Variants in GON4L observed in about 807,000 individuals in gnomAD.
GON4L encodes the protein GON-4-like protein.
In GON4L, 87 loss-of-function variants were observed where a neutral mutation model predicts 211.8. The observed-to-expected ratio is 0.41, with a 90% CI of 0.35 to 0.49. The LOEUF is 0.49. GON4L is among the 20% of genes least tolerant of loss of function. The pLI is 0.15. For synonymous variants in GON4L, 875 were observed against 962.6 expected, an observed-to-expected ratio of 0.91 and a Z score of 1.68; for missense variants, 2,155 against 2,659.5, an observed-to-expected ratio of 0.81 and a Z score of 4.17.
At chr1:155,810,320 TTC>T (rs1459527114) in intron 10 of GON4L, among the ~76,000 whole-genome samples, 4 of 152,034 alleles carry the variant, frequency 2.6e-5, no homozygotes, top group Non-Finnish European at 5.9e-5. Context: ...ATTTTAGGAT[TTC>T]TTTTTAAATT....
chr1:155,812,509 A>G (rs961820962), intron 10 of GON4L, among the ~76,000 whole-genome samples: 1 of 152,178 alleles, frequency 6.6e-6, no homozygotes, highest in Admixed American at 6.5e-5. Context: ...GACAACAGAT[A>G]AAACCAGAAT....
intron 9 of GON4L, among the ~76,000 whole-genome samples, chr1:155,814,127 C>T (rs1328518998): frequency 6.6e-6 from 1 of 152,192 alleles, no homozygotes; most frequent in Non-Finnish European, 1.5e-5. Flanking sequence ...GCTAGTTGCA[C>T]ATTTTTGGCC....
At chr1:155,799,958 T>C (rs1275275979) in intron 11 of GON4L, among the ~76,000 whole-genome samples, 1 of 152,220 alleles carries the variant, frequency 6.6e-6, no homozygotes, top group Non-Finnish European at 1.5e-5. Context: ...CCCAGAACTT[T>C]GGGAGGCCGA....
intron 1 of GON4L, among the ~76,000 whole-genome samples, chr1:155,854,140 T>C (rs955285882): frequency 1.3e-5 from 2 of 152,138 alleles, no homozygotes; most frequent in African/African-American, 4.8e-5. Flanking sequence ...GGGTTTATTT[T>C]TGTGTTTTTT....
chr1:155,805,010 T>G lies in GON4L; in HGVS notation c.1584A>C (p.Ala528=). The part of the protein sequence containing the change: ...ITPDMYDPNT[A]DDEDWKMWLG... ...GCCACATCTTCCAGTCCTCATCATCTGCCGTATTGGGGTCATACATATCTG... is the reference window on the plus strand; with the variant it reads ...GCCACATCTTCCAGTCCTCATCATCGGCCGTATTGGGGTCATACATATCTG... The change falls in exon 11 of 32, where the codon GCA becomes GCC. Residue 528 remains alanine, a synonymous_variant. Transcript: ENST00000368331. The G allele has an allele frequency of 6.2e-7, 1 of 1,613,858 alleles. No homozygotes were observed. Among genetic ancestry groups the G allele is most frequent in the Non-Finnish European group, 8.5e-7 (1 of 1,179,738 alleles).
At position 155,805,021 on chromosome 1, in the gene GON4L, G is replaced by A. The variant is rs982931736; in HGVS notation, c.1573C>T (p.Pro525Ser). Residue 525 changes from proline to serine, a missense_variant, in exon 11 of 32, where the codon CCC becomes TCC. Pro to Ser is a moderately conservative substitution (Grantham distance 74). Around this residue, in one of 6 missense-constraint regions of GON4L, gnomAD observed 551 missense variants for 854.0 expected, o/e 0.65. Coordinates refer to ENST00000368331, the MANE Select transcript of GON4L (RefSeq NM_001282860.2). ...CAGTCCTCATCATCTGCCGTATTGG[G>A]GTCATACATATCTGGAGTGATGTCT... ...APDITPDMYD[P>S]NTADDEDWKM... 1 of 1,613,504 alleles carries A rather than the reference G, an allele frequency of 6.2e-7. No homozygotes were observed. The highest frequency in any genetic ancestry group is 2.2e-5 in the East Asian group (1 of 44,852).
Position 155,853,285 on chromosome 1 carries a change from C to G in GON4L, c.496G>C (p.Glu166Gln). Residue 166 changes from glutamate (E) to glutamine (Q), a missense_variant, in exon 2 of 32, where the codon GAA (glutamate) becomes CAA (glutamine). By Grantham distance (29) the Glu-to-Gln change is conservative. Coordinates refer to ENST00000368331, the MANE Select transcript of GON4L (RefSeq NM_001282860.2). Reference sequence around the variant, plus strand: ...ACCTTGTATACCTTACCTCCTTCTTCCTTGACTTCTTCACTAGGCTCTCCT... The same window carrying G: ...ACCTTGTATACCTTACCTCCTTCTTGCTTGACTTCTTCACTAGGCTCTCCT... ...FSGEPSEEVK[E>Q]EGGKPQMNSE... 6.2e-7 allele frequency: 1 copy of G among 1,613,726 alleles called. No homozygotes were observed. The highest frequency in any genetic ancestry group is 8.5e-7 in the Non-Finnish European group (1 of 1,179,634).
intron 2 of GON4L, among the ~76,000 whole-genome samples, chr1:155,849,193 C>T (rs1671537436): frequency 6.8e-6 from 1 of 147,766 alleles, no homozygotes; most frequent in South Asian, 2.1e-4. Context: ...CTGTGGCTCA[C>T]GCCTGTAATC....
At position 155,750,717 on chromosome 1, in the gene GON4L, C is replaced by T. The variant is rs778075238; in HGVS notation, c.6593G>A (p.Arg2198Gln). The part of the protein sequence containing the change: ...KTPAEVSHRF[R>Q]ELMQLFHTAC... Reference sequence around the variant, plus strand: ...AGTGTGGAAGAGCTGCATGAGTTCTCGAAAACGGTGGGAAACCTAAGAAAG... The same window carrying T: ...AGTGTGGAAGAGCTGCATGAGTTCTTGAAAACGGTGGGAAACCTAAGAAAG... The change falls in exon 32 of 32, where the codon CGA (arginine) becomes CAA (glutamine). Residue 2198 changes from arginine (R) to glutamine (Q), a missense_variant. This residue lies in a region of GON4L where 186 missense variants were observed against 308.1 expected (regional missense o/e 0.60). Coordinates refer to ENST00000368331, the MANE Select transcript of GON4L (RefSeq NM_001282860.2). 9 of 1,587,382 alleles carry T rather than the reference C, an allele frequency of 5.7e-6. No individual in the cohort carries two copies. The highest frequency in any genetic ancestry group is 2.3e-5 in the South Asian group (2 of 87,430).
At chr1:155,779,321 ATTT>A (rs1324802494) in intron 14 of GON4L, among the ~76,000 whole-genome samples, 2 of 150,568 alleles carry the variant, frequency 1.3e-5, no homozygotes, top group African/African-American at 4.9e-5. Flanking sequence ...ACATAAACAG[ATTT>A]TTTTTTCTTT....
rs1191388273 is a variant in GON4L, at chr1:155,766,156, G to A, written c.3317C>T (p.Ala1106Val). 1.2e-6 allele frequency: 2 copies of A among 1,613,986 alleles called. No individual in the cohort carries two copies. The highest frequency in any genetic ancestry group is 2.7e-5 in the African/African-American group (2 of 74,886). Reference sequence around the variant, plus strand: ...ATATGGCTTTCGAAACTTAGAAGGGGCAAGGGAGGGCAGCATTACCTTGGG... The same window carrying A: ...ATATGGCTTTCGAAACTTAGAAGGGACAAGGGAGGGCAGCATTACCTTGGG... ...PVPKVMLPSLAPSKFRKPYVR... is the reference protein window; with the variant it reads ...PVPKVMLPSLVPSKFRKPYVR... The change falls in exon 21 of 32, where the codon GCC (alanine) becomes GTC (valine). Residue 1106 changes from alanine to valine, a missense_variant. Ala to Val is a moderately conservative substitution (Grantham distance 64). This residue lies in a region of GON4L where 615 missense variants were observed against 625.7 expected (regional missense o/e 0.98). Coordinates refer to ENST00000368331, the MANE Select transcript of GON4L (RefSeq NM_001282860.2).
rs189300900 is a variant in GON4L at position 155,794,255 on chromosome 1, A to G, written c.1747+795T>C. Among the ~76,000 whole-genome samples the G allele has an allele frequency of 9.9e-4, 151 of 152,210 alleles. 1 individual carries two copies. The highest frequency in any genetic ancestry group is 3.4e-3 in the African/African-American group (141 of 41,536). ...CCTGGCTAATTTTTGTATTTTTAGT[A>G]GAGACAGGGTTTCGCCATGTTGGCC... On this transcript the variant is annotated intron_variant, in intron 12 of 31. Transcript: ENST00000368331.
chr1:155,752,959 T>A (rs760398681), intron 29 of GON4L, among the ~76,000 whole-genome samples: 22 of 152,300 alleles, frequency 1.4e-4, no homozygotes, highest in Non-Finnish European at 3.1e-4. Flanking sequence ...GAAGGGTTTT[T>A]GGAATAAAAC....
At chr1:155,830,466 G>A (rs1054789875) in intron 2 of GON4L, among the ~76,000 whole-genome samples, 11 of 151,278 alleles carry the variant, frequency 7.3e-5, no homozygotes, top group Non-Finnish European at 1.5e-4. Context: ...TAGTAGAGAT[G>A]GGGTTTCTCC....
chr1:155,828,899 C>T (rs1669477769), intron 2 of GON4L, among the ~76,000 whole-genome samples: 1 of 151,040 alleles, frequency 6.6e-6, no homozygotes, highest in Admixed American at 6.6e-5. Flanking sequence ...GGACTATACA[C>T]AAAAAATTGT....
chr1:155,814,282 T>A lies in GON4L; in HGVS notation c.1281+48A>T, dbSNP rs540021315. On this transcript the variant is annotated intron_variant, in intron 9 of 31. Transcript: ENST00000368331. ...AATCTACTTATACAGTTAAAAAATC[T>A]ACTTAGACAGTTATGTCTAACATCT... is the stretch of plus-strand genomic sequence containing the variant. The A allele has an allele frequency of 5.5e-5, 85 of 1,547,110 alleles. No homozygotes were observed. The South Asian group carries it at 9.2e-4, about 17-fold the overall frequency.
chr1:155,759,615 A>C (rs960105261), intron 24 of GON4L, among the ~76,000 whole-genome samples: 3 of 151,586 alleles, frequency 2.0e-5, no homozygotes, highest in African/African-American at 7.3e-5. Context: ...GTATACACTG[A>C]TTGGAACCTC....
chr1:155,821,662 G>C (rs1246943409), intron 4 of GON4L, 114 bp from the exon 5 acceptor site: 1 of 717,112 alleles, frequency 1.4e-6, no homozygotes, highest in Non-Finnish European at 2.6e-6. Context: ...CCATATACTC[G>C]AATAGCATCA....
At chr1:155,750,770 TTTTTTG>T (rs1011586377) in intron 31 of GON4L, 37 bp from the exon 32 acceptor site, 22 of 1,550,104 alleles carry the variant, frequency 1.4e-5, no homozygotes, top group African/African-American at 6.9e-5. Flanking sequence ...CTGGTCTTTT[TTTTTTG>T]TTTTTGAGAC....
Sources: gnomAD v4.1 joint callset for allele counts (sites outside exome capture counted in the v4.1 genomes callset) on GRCh38, gnomAD v4.1.1 for gene constraint, gnomAD v4.1.1 regional missense constraint, MANE v1.5 for transcripts, NCBI Gene and HGNC (gene_info 2026-07-23, HGNC 2026-07-21) for gene names.